Variants in ZNF138 observed in about 807,000 individuals in gnomAD.
The protein encoded by ZNF138 is zinc finger protein 138.
ZNF138 carries 33 observed loss-of-function variants against 33.0 expected under a neutral mutation model. The ratio of observed to expected loss-of-function variants is 1.00; its 90% confidence interval spans 0.76 to 1.34. The LOEUF (loss-of-function observed/expected upper bound fraction) is 1.34. ZNF138 is among the 40% of genes most tolerant of loss of function. ZNF138 has a pLI of 0.00. For synonymous variants in ZNF138, 139 were observed against 120.4 expected, an observed-to-expected ratio of 1.15 and a Z score of -1.01; for missense variants, 360 against 370.8, an observed-to-expected ratio of 0.97 and a Z score of 0.24.
chr7:64,818,232 C>T (rs1477077727), intron 3 of ZNF138, among the ~76,000 whole-genome samples: 1 of 151,938 alleles, frequency 6.6e-6, no homozygotes, highest in Non-Finnish European at 1.5e-5. Context: ...GTAGTCCCCC[C>T]ACCTCGGCCT....
intron 1 of ZNF138, 63 bp downstream of exon 1, chr7:64,794,634 G>T: frequency 1.2e-6 from 2 of 1,610,280 alleles, no homozygotes; most frequent in East Asian, 2.2e-5. Flanking sequence ...CCGGTCGGAA[G>T]TGGCTGTGGC....
At chr7:64,845,295 C>CAT in the ZNF138 span, among the ~76,000 whole-genome samples, 1 of 152,180 alleles carries the variant, frequency 6.6e-6, no homozygotes, top group Non-Finnish European at 1.5e-5. Flanking sequence ...AGTATTCCAT[C>CAT]ATATATATAC....
chr7:64,849,655 T>C, the ZNF138 span, among the ~76,000 whole-genome samples: 2 of 151,848 alleles, frequency 1.3e-5, no homozygotes, highest in African/African-American at 4.8e-5. Flanking sequence ...CTCCGGTCAA[T>C]AGAGTTATGT....
intron 3 of ZNF138, among the ~76,000 whole-genome samples, chr7:64,820,337 C>A (rs935619947): frequency 2.0e-5 from 3 of 151,520 alleles, no homozygotes; most frequent in Non-Finnish European, 4.4e-5. Context: ...ATATAATATT[C>A]TCAAAGTTTA....
rs1456587331 is a variant in ZNF138 at position 64,832,231 on chromosome 7, CT to C, written c.*30del. On this transcript the variant is annotated 3_prime_UTR_variant, in exon 4 of 4. Coordinates refer to ENST00000307355, the MANE Select transcript of ZNF138 (RefSeq NM_001271639.2). ...CTTACTGAACATAAGAAAATTTACA[CT>C]AGAGAGAAAGCCTACAAATGTGAAG... 3.1e-6 allele frequency: 5 copies of C among 1,602,604 alleles called. No individual in the cohort carries two copies. The East Asian group carries it at 1.1e-4, about 36-fold the overall frequency.
chr7:64,818,326 T>C (rs544805858), intron 3 of ZNF138, among the ~76,000 whole-genome samples: 1 of 152,304 alleles, frequency 6.6e-6, no homozygotes, highest in African/African-American at 2.4e-5. Context: ...TAACTATATT[T>C]TACAAAGTAT....
chr7:64,804,828 T>A (rs927439798), intron 1 of ZNF138, among the ~76,000 whole-genome samples: 3 of 152,028 alleles, frequency 2.0e-5, no homozygotes, highest in Non-Finnish European at 4.4e-5. Context: ...CCATTATAGA[T>A]CCTCTCATTT....
At chr7:64,804,003 A>G (rs1350379250) in intron 1 of ZNF138, among the ~76,000 whole-genome samples, 1 of 152,224 alleles carries the variant, frequency 6.6e-6, no homozygotes, top group Non-Finnish European at 1.5e-5. Context: ...CTTACCCATG[A>G]TGCAAGCTCA....
At chr7:64,847,331 TA>T in the ZNF138 span, among the ~76,000 whole-genome samples, 55 of 114,138 alleles carry the variant, frequency 4.8e-4, no homozygotes, top group African/African-American at 1.7e-3. Flanking sequence ...TATATATATA[TA>T]TTTTTTTTTT....
rs1451820599 is a variant in ZNF138, at chr7:64,794,482, C to G, written c.-87C>G. ...GCCTTCACTTTTCTGCGTCCTCTTA[C>G]TCCTAGAGGCCCAGCCTCTGTGGCG... On this transcript the variant is annotated 5_prime_UTR_variant, in exon 1 of 4. Coordinates refer to ENST00000307355, the MANE Select transcript of ZNF138 (RefSeq NM_001271639.2). 1 of 1,594,874 alleles carries G rather than the reference C, an allele frequency of 6.3e-7. No homozygotes were observed. Among genetic ancestry groups the G allele is most frequent in the South Asian group, 1.1e-5 (1 of 90,762 alleles).
the ZNF138 span, among the ~76,000 whole-genome samples, chr7:64,850,570 A>G: frequency 6.6e-6 from 1 of 152,222 alleles, no homozygotes; most frequent in Non-Finnish European, 1.5e-5. Flanking sequence ...GTAGCATTGG[A>G]TGAGAGGGTG....
At chr7:64,795,636 C>G (rs771572947) in intron 1 of ZNF138, among the ~76,000 whole-genome samples, 3 of 150,924 alleles carry the variant, frequency 2.0e-5, no homozygotes, top group Admixed American at 6.6e-5. Flanking sequence ...TGAGAAGAAA[C>G]CAAAGACTCA....
At chr7:64,823,038 G>A (rs769535037) in intron 3 of ZNF138, among the ~76,000 whole-genome samples, 6 of 151,676 alleles carry the variant, frequency 4.0e-5, no homozygotes, top group African/African-American at 7.3e-5. Flanking sequence ...GCACCACCAC[G>A]CCCGTCTAAT....
At chr7:64,813,756 C>G (rs909446666) in intron 1 of ZNF138, among the ~76,000 whole-genome samples, 7 of 151,980 alleles carry the variant, frequency 4.6e-5, no homozygotes, top group Non-Finnish European at 1.0e-4. Flanking sequence ...TTTATGGTTA[C>G]ATTCAGACTA....
At chr7:64,825,730 G>C (rs1454372373) in intron 3 of ZNF138, among the ~76,000 whole-genome samples, 1 of 151,790 alleles carries the variant, frequency 6.6e-6, no homozygotes, top group Non-Finnish European at 1.5e-5. Flanking sequence ...GGTAGAGACA[G>C]GGTTTCACTA....
chr7:64,840,394 T>C, the ZNF138 span, among the ~76,000 whole-genome samples: 1 of 152,198 alleles, frequency 6.6e-6, no homozygotes, highest in Admixed American at 6.5e-5. Context: ...ATGAATATCG[T>C]TCCCGTTGGT....
At chr7:64,798,923 T>A (rs956626335) in intron 1 of ZNF138, among the ~76,000 whole-genome samples, 10 of 149,360 alleles carry the variant, frequency 6.7e-5, no homozygotes, top group African/African-American at 1.8e-4. Context: ...TTTTTTTTTT[T>A]AATCACTACC....
the ZNF138 span, among the ~76,000 whole-genome samples, chr7:64,851,775 A>T: frequency 6.6e-6 from 1 of 152,180 alleles, no homozygotes; most frequent in Admixed American, 6.5e-5. Context: ...AAAAAGAAAT[A>T]AGATTTCTTT....
At chr7:64,835,415 CTG>C (rs1264189900), downstream of ZNF138, 3 of 151,976 alleles carry the variant, frequency 2.0e-5, no homozygotes, top group South Asian at 2.1e-4. Flanking sequence ...GGCGGAGAAA[CTG>C]TACTAGGATT....
Sources: gnomAD v4.1 joint callset for allele counts (sites outside exome capture counted in the v4.1 genomes callset) on GRCh38, gnomAD v4.1.1 for gene constraint, MANE v1.5 for transcripts, NCBI Gene and HGNC (gene_info 2026-07-23, HGNC 2026-07-21) for gene names.